Variants in SLC44A1 observed in about 807,000 individuals in gnomAD.
SLC44A1 encodes solute carrier family 44 member 1.
In SLC44A1, 26 loss-of-function variants were observed where a neutral mutation model predicts 79.3. That is an observed-to-expected ratio of 0.33 (90% CI 0.24 to 0.46). SLC44A1 has a LOEUF of 0.46. SLC44A1 is among the 20% of genes least tolerant of loss of function. The pLI is 1.00. For missense variants in SLC44A1, 688 were observed against 798.1 expected, an observed-to-expected ratio of 0.86 and a Z score of 1.66; for synonymous variants, 263 against 286.2, an observed-to-expected ratio of 0.92 and a Z score of 0.82.
chr9:105,355,103 G>A (rs935109686), intron 5 of SLC44A1, among the ~76,000 whole-genome samples: 3 of 152,216 alleles, frequency 2.0e-5, no homozygotes, highest in Non-Finnish European at 2.9e-5. Flanking sequence ...TGGGATTCAC[G>A]TTAACGATGG....
chr9:105,344,095 G>A (rs555215705), intron 4 of SLC44A1, among the ~76,000 whole-genome samples: 77 of 152,084 alleles, frequency 5.1e-4, no homozygotes, highest in Non-Finnish European at 8.8e-4. Context: ...ACATCACAAG[G>A]CAATGGAAAT....
At chr9:105,267,912 G>A (rs1015331030) in intron 1 of SLC44A1, among the ~76,000 whole-genome samples, 3 of 152,196 alleles carry the variant, frequency 2.0e-5, no homozygotes. Flanking sequence ...TGTCAGTATC[G>A]TTTGGTCATT....
chr9:105,369,745 G>A (rs933672976), intron 12 of SLC44A1, among the ~76,000 whole-genome samples: 2 of 152,156 alleles, frequency 1.3e-5, no homozygotes, highest in African/African-American at 4.8e-5. Context: ...GAATTTCTGG[G>A]TCCTTCACTA....
At chr9:105,434,446 T>C (rs971273143) in intron 15 of SLC44A1, among the ~76,000 whole-genome samples, 2 of 152,156 alleles carry the variant, frequency 1.3e-5, no homozygotes, top group Non-Finnish European at 2.9e-5. Context: ...GGTTGAAAGA[T>C]GAATTTGAGG....
chr9:105,315,227 A>G (rs1313092204), intron 3 of SLC44A1, among the ~76,000 whole-genome samples: 1 of 151,928 alleles, frequency 6.6e-6, no homozygotes, highest in Non-Finnish European at 1.5e-5. Flanking sequence ...TTCTCTGTCA[A>G]ATAAAGAATA....
chr9:105,310,111 TG>T (rs1247858188), intron 3 of SLC44A1, among the ~76,000 whole-genome samples: 3 of 152,100 alleles, frequency 2.0e-5, no homozygotes, highest in South Asian at 4.1e-4. Context: ...CCCATGTTAA[TG>T]GGTAAAGGCT....
chr9:105,413,846 G>A (rs1319347633), intron 15 of SLC44A1, among the ~76,000 whole-genome samples: 1 of 152,180 alleles, frequency 6.6e-6, no homozygotes, highest in East Asian at 1.9e-4. Flanking sequence ...TGATCCCCCT[G>A]ACTACGAAGG....
At position 105,394,629 on chromosome 9, in the gene SLC44A1, A is replaced by G. The variant is rs1828839930; in HGVS notation, c.*5573A>G. On this transcript the variant is annotated 3_prime_UTR_variant, in exon 16 of 16. Transcript: ENST00000374720. The stretch of plus-strand genomic sequence containing the variant: ...ATGACATTATGACATTATGTGGCTT[A>G]GTGTTATCAGTATACTACTGTCTTA... The G allele has an allele frequency of 1.7e-5, 17 of 985,248 alleles. No individual in the cohort carries two copies. Among genetic ancestry groups the G allele is most frequent in the Non-Finnish European group, 2.0e-5 (17 of 829,820 alleles). The allele number at this position is 985,248 out of a possible 1,614,324, so 61.0% of individuals were successfully genotyped here. A position where few individuals can be genotyped will look rare whatever the true frequency, so the allele number is the denominator to read the frequency against.
chr9:105,404,679 C>T (rs1381000813), intron 15 of SLC44A1, among the ~76,000 whole-genome samples: 1 of 152,168 alleles, frequency 6.6e-6, no homozygotes, highest in Non-Finnish European at 1.5e-5. Context: ...CAGTTAAATA[C>T]AACAGAGTTG....
intron 1 of SLC44A1, among the ~76,000 whole-genome samples, chr9:105,275,835 C>T (rs1263157050): frequency 4.0e-5 from 6 of 150,728 alleles, no homozygotes; most frequent in South Asian, 2.1e-4. Context: ...GACGGAGTGC[C>T]GCTCTGTCGC....
At chr9:105,256,854 C>T (rs937183846) in intron 1 of SLC44A1, among the ~76,000 whole-genome samples, 1 of 151,192 alleles carries the variant, frequency 6.6e-6, no homozygotes, top group Non-Finnish European at 1.5e-5. Context: ...GTGGCGTGAT[C>T]TCAGCTCACT....
intron 3 of SLC44A1, among the ~76,000 whole-genome samples, chr9:105,325,736 G>A (rs901685822): frequency 6.6e-6 from 1 of 152,254 alleles, no homozygotes; most frequent in African/African-American, 2.4e-5. Flanking sequence ...GAGTTTTGGA[G>A]GGGACAAATA....
rs1028188663 is a variant in SLC44A1, at chr9:105,299,254, G to A, written c.71G>A (p.Arg24His). Residue 24 changes from arginine to histidine, a missense_variant, in exon 2 of 16, where the codon CGT (arginine) becomes CAT (histidine). Coordinates refer to ENST00000374720, the MANE Select transcript of SLC44A1 (RefSeq NM_080546.5). The part of the protein sequence containing the change: ...SKREWKPLED[R>H]SCTDIPWLLL... ...CGAGAATGGAAGCCGCTGGAGGACC[G>A]TAGCTGCACAGACATACCATGGCTG... 1.5e-5 allele frequency: 24 copies of A among 1,593,322 alleles called. No individual in the cohort carries two copies. Among genetic ancestry groups the A allele is most frequent in the African/African-American group, 2.7e-5 (2 of 73,358 alleles).
chr9:105,436,089 C>T (rs1157131533), intron 15 of SLC44A1, among the ~76,000 whole-genome samples: 4 of 152,034 alleles, frequency 2.6e-5, no homozygotes, highest in African/African-American at 9.7e-5. Context: ...TCCCAGCTAC[C>T]CAGGAGGCTG....
At chr9:105,327,025 G>A (rs983041863) in intron 3 of SLC44A1, among the ~76,000 whole-genome samples, 1 of 152,212 alleles carries the variant, frequency 6.6e-6, no homozygotes, top group Non-Finnish European at 1.5e-5. Flanking sequence ...TTTAGTCTGA[G>A]ATGCTAAGCA....
At chr9:105,344,917 C>T (rs1588807792) in intron 4 of SLC44A1, among the ~76,000 whole-genome samples, 1 of 152,152 alleles carries the variant, frequency 6.6e-6, no homozygotes, top group Admixed American at 6.5e-5. Context: ...TCTGCTCAGA[C>T]GTCAACACTC....
intron 1 of SLC44A1, among the ~76,000 whole-genome samples, chr9:105,265,849 A>G (rs776650318): frequency 6.6e-5 from 10 of 151,826 alleles, no homozygotes; most frequent in African/African-American, 1.5e-4. Context: ...TTTAATTTGC[A>G]TTTTCCTAGT....
At position 105,356,227 on chromosome 9, in the gene SLC44A1, C is replaced by A; in HGVS notation, c.516C>A (p.Phe172Leu). Residue 172 changes from phenylalanine (F) to leucine (L), a missense_variant, in exon 6 of 16, where the codon TTC becomes TTA. Physicochemically the swap from Phe to Leu is conservative, Grantham distance 22. Coordinates refer to ENST00000374720, the MANE Select transcript of SLC44A1 (RefSeq NM_080546.5). ...LPVPASAPIP[F>L]FHRCAPVNIS... is the part of the protein sequence containing the mutation. ...GTGTCACCAGTGCACCTATTCCATTCTTCCATCGCTGTGCTCCTGTGAACA... is the reference window on the plus strand; with the variant it reads ...GTGTCACCAGTGCACCTATTCCATTATTCCATCGCTGTGCTCCTGTGAACA... The A allele has an allele frequency of 6.2e-7, 1 of 1,612,264 alleles. No individual in the cohort carries two copies. The highest frequency in any genetic ancestry group is 8.5e-7 in the Non-Finnish European group (1 of 1,179,336).
intron 2 of SLC44A1, among the ~76,000 whole-genome samples, chr9:105,305,842 C>CTTTTTTTTTTTTTTTTTTTTT (rs1564426808): frequency 7.4e-6 from 1 of 134,382 alleles, no homozygotes; most frequent in Non-Finnish European, 1.5e-5. Context: ...AAAAGTGTGT[C>CTTTTTTTTTTTTTTTTTTTTT]CTTTTTTTTT....
Sources: allele counts gnomAD v4.1 joint callset (sites outside exome capture counted in the v4.1 genomes callset), GRCh38; gene constraint gnomAD v4.1.1; transcripts MANE v1.5; gene names NCBI Gene and HGNC (gene_info 2026-07-23, HGNC 2026-07-21).